The following CELF2 variants were observed in gnomAD, a reference collection of about 807,000 sequenced individuals.
CELF2 encodes CUGBP Elav-like family member 2.
CELF2 carries 8 observed loss-of-function variants against 62.6 expected under a neutral mutation model. The ratio of observed to expected loss-of-function variants is 0.13; its 90% CI spans 0.07 to 0.23. The LOEUF (loss-of-function observed/expected upper bound fraction) is 0.23, where lower values mean the gene tolerates loss of function less well. CELF2 is among the 10% of genes least tolerant of loss of function. CELF2 has a pLI of 1.00. For synonymous variants in CELF2, 258 were observed against 250.0 expected (o/e 1.03, Z -0.30); for missense variants, 333 against 671.0 (o/e 0.50, Z 5.56).
intron 1 of CELF2, among the ~76,000 whole-genome samples, chr10:11,122,455 G>A (rs548501277): frequency 2.0e-5 from 3 of 152,308 alleles, no homozygotes; most frequent in African/African-American, 7.2e-5. Context: ...AAACCTAGTG[G>A]TAAAATCAGT....
At chr10:10,531,470 G>A in the CELF2 span, among the ~76,000 whole-genome samples, 2 of 152,132 alleles carry the variant, frequency 1.3e-5, no homozygotes, top group Non-Finnish European at 2.9e-5. Context: ...TCTATGAAGG[G>A]AAAATAATGT....
chr10:10,646,368 G>A, the CELF2 span, among the ~76,000 whole-genome samples: 3 of 152,296 alleles, frequency 2.0e-5, no homozygotes, highest in South Asian at 2.1e-4. Context: ...CGAAAGCCAC[G>A]GCTAATTGAT....
At chr10:10,876,013 C>T (rs1381735228) in intron 1 of CELF2, among the ~76,000 whole-genome samples, 1 of 152,132 alleles carries the variant, frequency 6.6e-6, no homozygotes, top group African/African-American at 2.4e-5. Flanking sequence ...CATTTGCCAC[C>T]ATCTGAAAGC....
chr10:11,145,198 C>T lies in CELF2; in HGVS notation c.75-20288C>T, dbSNP rs2062043311. The stretch of plus-strand genomic sequence containing the variant: ...AATCCATGAAAGGAAAAAGCCCAGG[C>T]TAAAAATACAGAACAGAACAAATGT... On this transcript the variant is annotated intron_variant, in intron 1 of 12. Transcript: ENST00000633077. This position sits in a 1 kb window ranked among gnomAD's most constrained non-coding sequence, Gnocchi z 4.3. Among the ~76,000 whole-genome samples the T allele has an allele frequency of 2.0e-5, 3 of 152,176 alleles. No individual in the cohort carries two copies. Among genetic ancestry groups the T allele is most frequent in the African/African-American group, 7.2e-5 (3 of 41,432 alleles).
intron 1 of CELF2, among the ~76,000 whole-genome samples, chr10:10,850,542 C>T (rs1388677614): frequency 6.6e-6 from 1 of 152,186 alleles, no homozygotes. Flanking sequence ...TTTCAGCTTC[C>T]TCCTTGGATC....
At chr10:10,699,451 C>G in the CELF2 span, among the ~76,000 whole-genome samples, 5 of 152,188 alleles carry the variant, frequency 3.3e-5, no homozygotes, top group African/African-American at 1.2e-4. Context: ...GATACTTAGA[C>G]AGTTAGCAAA....
At chr10:11,233,961 A>G (rs10159662) in intron 3 of CELF2, among the ~76,000 whole-genome samples, 2 of 152,182 alleles carry the variant, frequency 1.3e-5, no homozygotes, top group East Asian at 3.8e-4. Context: ...ATATGTGAAC[A>G]TTGCTGCATC....
intron 1 of CELF2, among the ~76,000 whole-genome samples, chr10:11,121,038 C>A (rs935135465): frequency 2.6e-5 from 4 of 152,160 alleles, no homozygotes; most frequent in African/African-American, 9.7e-5. Context: ...ATTATTTAGA[C>A]CCCAAGGCAT....
At chr10:10,504,305 T>C in the CELF2 span, among the ~76,000 whole-genome samples, 1 of 152,118 alleles carries the variant, frequency 6.6e-6, no homozygotes, top group Non-Finnish European at 1.5e-5. Flanking sequence ...GTTCTCATTT[T>C]CCCCTTCATT....
the CELF2 span, among the ~76,000 whole-genome samples, chr10:10,740,560 T>C: frequency 2.6e-5 from 4 of 152,166 alleles, no homozygotes; most frequent in African/African-American, 4.8e-5. Context: ...CTTCCAGGTT[T>C]ATCTCCCACT....
rs1314435355 is a variant in CELF2, at chr10:11,244,872, A to T, written c.355-4281A>T. Among the ~76,000 whole-genome samples the T allele has an allele frequency of 6.6e-6, 1 of 152,178 alleles. No individual in the cohort carries two copies. Among genetic ancestry groups the T allele is most frequent in the Non-Finnish European group, 1.5e-5 (1 of 68,028 alleles). ...ATGAATGCAGACATAGCTTCATCTGAGACGCCTTCCCCAGCGTGTCCTTCC... is the reference window on the plus strand; with the variant it reads ...ATGAATGCAGACATAGCTTCATCTGTGACGCCTTCCCCAGCGTGTCCTTCC... On this transcript the variant is annotated intron_variant, in intron 3 of 12. Coordinates refer to ENST00000633077, the MANE Select transcript of CELF2 (RefSeq NM_001326342.2). This position sits in a 1 kb window ranked among gnomAD's most constrained non-coding sequence, Gnocchi z 4.2.
chr10:11,088,802 A>T (rs2047518666), intron 1 of CELF2, among the ~76,000 whole-genome samples: 2 of 152,126 alleles, frequency 1.3e-5, no homozygotes, highest in Non-Finnish European at 2.9e-5. Context: ...AATGTCTGGG[A>T]GCCTCAGCTG....
the CELF2 span, among the ~76,000 whole-genome samples, chr10:10,655,568 C>T: frequency 9.0e-6 from 1 of 110,932 alleles, no homozygotes; most frequent in East Asian, 2.0e-4. Context: ...AATAACGCCG[C>T]ATATCTACAA....
chr10:10,699,252 T>C, the CELF2 span, among the ~76,000 whole-genome samples: 1 of 152,240 alleles, frequency 6.6e-6, no homozygotes, highest in Admixed American at 6.5e-5. Flanking sequence ...TATATGTTTT[T>C]GAGGACACCT....
intron 1 of CELF2, among the ~76,000 whole-genome samples, chr10:11,063,977 A>T (rs2067441557): frequency 6.6e-6 from 1 of 152,046 alleles, no homozygotes; most frequent in Non-Finnish European, 1.5e-5. Flanking sequence ...TTATCGGTGG[A>T]GTTGCATTCA....
intron 11 of CELF2, among the ~76,000 whole-genome samples, chr10:11,323,460 T>TAATAAC (rs1248211164): frequency 6.0e-5 from 9 of 149,284 alleles, no homozygotes; most frequent in African/African-American, 1.7e-4. Flanking sequence ...ATAATAATAA[T>TAATAAC]AATGAATTCC....
rs557596754 is a variant in CELF2, at chr10:11,069,432, G to T, written c.74+51269G>T. 1.8e-3 allele frequency among the ~76,000 whole-genome samples: 273 copies of T among 152,222 alleles called. 1 individual carries two copies. The highest frequency in any genetic ancestry group is 6.2e-3 in the African/African-American group (259 of 41,582). On this transcript the variant is annotated intron_variant, in intron 1 of 12. Coordinates refer to ENST00000633077, the MANE Select transcript of CELF2 (RefSeq NM_001326342.2). ...GAATTTTCCTCAACTCAGGAATCATGTGAGTCAGTAATGCATTTCAATGGA... is the reference window on the plus strand; with the variant it reads ...GAATTTTCCTCAACTCAGGAATCATTTGAGTCAGTAATGCATTTCAATGGA...
chr10:10,614,598 G>A, the CELF2 span, among the ~76,000 whole-genome samples: 1 of 152,292 alleles, frequency 6.6e-6, no homozygotes, highest in Admixed American at 6.5e-5. Flanking sequence ...AACTCGGCAA[G>A]AGAGAATTGA....
At chr10:10,646,895 C>T in the CELF2 span, among the ~76,000 whole-genome samples, 1 of 152,194 alleles carries the variant, frequency 6.6e-6, no homozygotes, top group Non-Finnish European at 1.5e-5. Context: ...TTGCCCCACG[C>T]TAATGATCTC....
Sources: gnomAD v4.1 joint callset for allele counts (sites outside exome capture counted in the v4.1 genomes callset) on GRCh38, gnomAD v4.1.1 for gene constraint, Gnocchi (gnomAD v3.1) non-coding constraint, MANE v1.5 for transcripts, NCBI Gene and HGNC (gene_info 2026-07-23, HGNC 2026-07-21) for gene names.